The following DGKI variants were observed in gnomAD, a reference collection of about 807,000 sequenced individuals.
The protein encoded by DGKI is DAG kinase iota.
Under a neutral mutation model 147.5 loss-of-function variants are expected in DGKI, and 55 were observed. That is an observed-to-expected ratio of 0.37 (90% CI 0.30 to 0.47). The LOEUF (loss-of-function observed/expected upper bound fraction) is 0.47. Among genes scored for constraint, DGKI ranks in the 20% least tolerant of loss-of-function variants. The pLI is 1.00. For missense variants in DGKI, 1,007 were observed against 1,323.8 expected (o/e 0.76, Z 3.71); for synonymous variants, 469 against 477.1 (o/e 0.98, Z 0.22).
At chr7:137,842,511 T>A (rs552107388) in intron 1 of DGKI, among the ~76,000 whole-genome samples, 2 of 152,314 alleles carry the variant, frequency 1.3e-5, no homozygotes, top group African/African-American at 2.4e-5. Context: ...ATCATAGGCA[T>A]CAACATCTCA....
In DGKI at chr7:137,384,920, T is replaced by C. The variant is rs1811141365; in HGVS notation, c.*6300A>G. On this transcript the variant is annotated 3_prime_UTR_variant, in exon 33 of 33. Coordinates refer to ENST00000614521, the MANE Select transcript of DGKI (RefSeq NM_001321708.2). ...TTGGATCACTATTTTCTTATTTCCA[T>C]GGGTAGGACCTCCCTTGTGGTTGCC... 1 of 152,118 alleles carries C rather than the reference T, an allele frequency of 6.6e-6. No homozygotes were observed. The highest frequency in any genetic ancestry group is 1.5e-5 in the Non-Finnish European group (1 of 67,980). 9.4% of individuals were successfully genotyped at this position (152,118 alleles called of 1,614,324 possible). A position where few individuals can be genotyped will look rare whatever the true frequency, so the allele number is the denominator to read the frequency against.
At chr7:137,716,847 CAAAT>C (rs1388596120) in intron 1 of DGKI, among the ~76,000 whole-genome samples, 1 of 152,196 alleles carries the variant, frequency 6.6e-6, no homozygotes. Context: ...CTGTGAAAAA[CAAAT>C]AACAACCAGC....
At chr7:137,839,171 G>A (rs2117101343) in intron 1 of DGKI, among the ~76,000 whole-genome samples, 1 of 152,164 alleles carries the variant, frequency 6.6e-6, no homozygotes, top group South Asian at 2.1e-4. Context: ...TCTCTCCTCC[G>A]ACCTCTGCCT....
At chr7:137,446,622 G>A (rs1350597174) in intron 27 of DGKI, among the ~76,000 whole-genome samples, 1 of 151,956 alleles carries the variant, frequency 6.6e-6, no homozygotes, top group African/African-American at 2.4e-5. Flanking sequence ...GCTACTCAGG[G>A]GACTGAGTCA....
chr7:137,402,004 G>A (rs113917354), intron 30 of DGKI, among the ~76,000 whole-genome samples: 1,545 of 152,224 alleles, frequency 0.01, 13 homozygotes, highest in Non-Finnish European at 0.015. Flanking sequence ...CATCTCTCAC[G>A]TATGGATGAG....
intron 17 of DGKI, among the ~76,000 whole-genome samples, chr7:137,574,890 T>C (rs1044285398): frequency 6.6e-5 from 10 of 152,240 alleles, no homozygotes; most frequent in Non-Finnish European, 1.2e-4. Context: ...GAGACATTAC[T>C]AGCTATTGCA....
intron 28 of DGKI, among the ~76,000 whole-genome samples, chr7:137,429,257 C>A (rs192736774): frequency 0.019 from 2,823 of 151,158 alleles, 89 homozygotes; most frequent in African/African-American, 0.065. Context: ...CACATATCTA[C>A]AACTATCTGA....
chr7:137,400,957 C>A (rs773626894), intron 30 of DGKI, among the ~76,000 whole-genome samples: 5 of 152,162 alleles, frequency 3.3e-5, no homozygotes, highest in Non-Finnish European at 7.4e-5. Context: ...GGTACATTTT[C>A]TAATCATTTT....
chr7:137,569,256 T>C (rs1646403), intron 19 of DGKI, among the ~76,000 whole-genome samples: 31,735 of 152,004 alleles, frequency 0.21, 5,712 homozygotes, highest in African/African-American at 0.48. Context: ...GGTAAGGGAT[T>C]GTCATCTTGC....
At chr7:137,825,378 T>A (rs912762237) in intron 1 of DGKI, among the ~76,000 whole-genome samples, 1 of 152,118 alleles carries the variant, frequency 6.6e-6, no homozygotes, top group African/African-American at 2.4e-5. Flanking sequence ...GCAGACGGCA[T>A]ACATGTGATG....
chr7:137,651,890 T>A (rs1563132873), intron 5 of DGKI, among the ~76,000 whole-genome samples: 1 of 152,018 alleles, frequency 6.6e-6, no homozygotes, highest in African/African-American at 2.4e-5. Context: ...AACAGAAAAA[T>A]AAATAATACC....
chr7:137,420,419 C>G (rs1032637462), intron 28 of DGKI, among the ~76,000 whole-genome samples: 6 of 152,130 alleles, frequency 3.9e-5, no homozygotes, highest in African/African-American at 1.4e-4. Context: ...ACATCATATA[C>G]TTGAATTGTG....
At chr7:137,635,321 C>G (rs1015931561) in intron 6 of DGKI, among the ~76,000 whole-genome samples, 1 of 152,158 alleles carries the variant, frequency 6.6e-6, no homozygotes, top group African/African-American at 2.4e-5. Context: ...GCTGAGAATC[C>G]AATATTGCAT....
At chr7:137,697,376 T>C (rs903977832) in intron 1 of DGKI, among the ~76,000 whole-genome samples, 9 of 152,298 alleles carry the variant, frequency 5.9e-5, no homozygotes, top group Admixed American at 4.6e-4. Context: ...TTATACATAG[T>C]AGTGAGCATC....
At chr7:137,736,921 C>T (rs1356038376) in intron 1 of DGKI, among the ~76,000 whole-genome samples, 1 of 151,982 alleles carries the variant, frequency 6.6e-6, no homozygotes, top group African/African-American at 2.4e-5. Context: ...ACCCTCATAT[C>T]ACTAATGACT....
At chr7:137,583,649 CTT>C in intron 14 of DGKI, among the ~76,000 whole-genome samples, 1 of 152,152 alleles carries the variant, frequency 6.6e-6, no homozygotes, top group East Asian at 1.9e-4. Context: ...ACCAAGAAGT[CTT>C]TCCATTTCTT....
intron 21 of DGKI, among the ~76,000 whole-genome samples, chr7:137,515,250 C>T (rs1418680039): frequency 6.6e-6 from 1 of 152,160 alleles, no homozygotes; most frequent in Non-Finnish European, 1.5e-5. Flanking sequence ...TGTCACTGTT[C>T]TGCTTTACTT....
chr7:137,782,666 C>T (rs1406958143), intron 1 of DGKI, among the ~76,000 whole-genome samples: 2 of 152,200 alleles, frequency 1.3e-5, no homozygotes, highest in African/African-American at 4.8e-5. Flanking sequence ...AGCACCACCT[C>T]CTGGCTGGAG....
intron 1 of DGKI, among the ~76,000 whole-genome samples, chr7:137,708,738 C>G (rs1794122220): frequency 6.6e-6 from 1 of 152,094 alleles, no homozygotes; most frequent in African/African-American, 2.4e-5. Context: ...TAAGCAAATG[C>G]ATGAATTATT....
Sources: allele counts gnomAD v4.1 joint callset (sites outside exome capture counted in the v4.1 genomes callset), GRCh38; gene constraint gnomAD v4.1.1; transcripts MANE v1.5; gene names NCBI Gene and HGNC (gene_info 2026-07-23, HGNC 2026-07-21).